The following ACAN variants were observed in gnomAD, a reference collection of about 807,000 sequenced individuals.
ACAN encodes the protein aggrecan core protein.
Under a neutral mutation model 169.1 loss-of-function variants are expected in ACAN, and 47 were observed. The ratio of observed to expected loss-of-function variants is 0.28; its 90% CI spans 0.22 to 0.35. ACAN has a LOEUF of 0.35. Ranked by LOEUF, ACAN falls within the 10% of genes least tolerant of loss-of-function variation. ACAN has a pLI of 1.00. For missense variants in ACAN, 2,716 were observed against 2,759.9 expected, an observed-to-expected ratio of 0.98 and a Z score of 0.36; for synonymous variants, 1,115 against 1,112.2, an observed-to-expected ratio of 1.00 and a Z score of -0.05.
At chr15:88,810,347 AT>A (rs1271195060) in intron 1 of ACAN, among the ~76,000 whole-genome samples, 1 of 151,550 alleles carries the variant, frequency 6.6e-6, no homozygotes, top group Non-Finnish European at 1.5e-5. Flanking sequence ...TCCAGGGCTA[AT>A]TTTGGGGGGA....
In ACAN at chr15:88,857,303, G is replaced by C; in HGVS notation, c.4718G>C (p.Arg1573Thr). The change falls in exon 12 of 19, where the codon AGG (arginine) becomes ACG (threonine). Residue 1573 changes from arginine to threonine, a missense_variant. Coordinates refer to ENST00000560601, the MANE Select transcript of ACAN (RefSeq NM_001369268.1). ...GTDLSGLPSG[R>T]EGLETSASGA... ...GACCTCAGTGGGCTTCCTTCTGGAA[G>C]GGAGGGTCTAGAGACTTCAGCTTCT... is the stretch of plus-strand genomic sequence containing the variant. The C allele has an allele frequency of 6.2e-7, 1 of 1,613,968 alleles. No homozygotes were observed. The highest frequency in any genetic ancestry group is 1.1e-5 in the South Asian group (1 of 91,078).
chr15:88,838,896 G>C lies in ACAN; in HGVS notation c.304G>C (p.Asp102His). The change falls in exon 3 of 19, where the codon GAC becomes CAC. Residue 102 changes from aspartate to histidine, a missense_variant. This residue lies in a region of ACAN where 1,283 missense variants were observed against 1,281.5 expected (regional missense o/e 1.00). Transcript: ENST00000560601. The surrounding 1 kb of genome is among the most constrained non-coding windows in gnomAD (Gnocchi z 5.1). ...CGTGCGGGTCAACAGTGCCTATCAG[G>C]ACAAGGTCTCACTGCCCAACTACCC... The part of the protein sequence containing the change: ...GRVRVNSAYQ[D>H]KVSLPNYPAI... The C allele has an allele frequency of 6.2e-7, 1 of 1,614,042 alleles. No individual in the cohort carries two copies. The highest frequency in any genetic ancestry group is 1.7e-5 in the Admixed American group (1 of 60,030).
chr15:88,873,746 T>G lies in ACAN; in HGVS notation c.7448-96T>G. 7.5e-7 allele frequency: 1 copy of G among 1,324,570 alleles called. No homozygotes were observed. The highest frequency in any genetic ancestry group is 1.0e-6 in the Non-Finnish European group (1 of 957,668). 82.1% of individuals were successfully genotyped at this position (1,324,570 alleles called of 1,614,324 possible). ...ACGTCCAGGGCTCACTGTCAGATGT[T>G]GAGGCTGTGTCCCCCACAGTGCCTC... On this transcript the variant is annotated intron_variant, in intron 17 of 18. Coordinates refer to ENST00000560601, the MANE Select transcript of ACAN (RefSeq NM_001369268.1). This position sits in a 1 kb window ranked among gnomAD's most constrained non-coding sequence, Gnocchi z 7.5.
chr15:88,838,605 G>T lies in ACAN; in HGVS notation c.71-58G>T. On this transcript the variant is annotated intron_variant, in intron 2 of 18. Transcript: ENST00000560601. The surrounding 1 kb of genome is among the most constrained non-coding windows in gnomAD (Gnocchi z 5.1). ...TTGCTGGAAGGATGGATGGGGAGGC[G>T]GGGTGGTCCTCTCTAGGCACTAACA... 7.2e-6 allele frequency: 11 copies of T among 1,520,924 alleles called. No individual in the cohort carries two copies. The South Asian group carries it at 1.3e-4, about 18-fold the overall frequency. 94.2% of individuals were successfully genotyped at this position (1,520,924 alleles called of 1,614,324 possible). A position where few individuals can be genotyped will look rare whatever the true frequency, so the allele number is the denominator to read the frequency against.
chr15:88,853,828 G>A (rs922669320), intron 11 of ACAN, among the ~76,000 whole-genome samples: 9 of 144,948 alleles, frequency 6.2e-5, no homozygotes, highest in African/African-American at 1.3e-4. Flanking sequence ...AATCTTTTTC[G>A]GGTCCTGCCC....
rs142201820 is a variant in ACAN, at chr15:88,825,765, C to T, written c.-7-10435C>T. Among the ~76,000 whole-genome samples the T allele has an allele frequency of 3.6e-3, 513 of 142,522 alleles. 3 individuals carry two copies. Among genetic ancestry groups the T allele is most frequent in the Non-Finnish European group, 6.1e-3 (374 of 61,368 alleles). The allele number at this position is 142,522 out of a possible 152,430, so 93.5% of individuals were successfully genotyped here. A position where few individuals can be genotyped will look rare whatever the true frequency, so the allele number is the denominator to read the frequency against. On this transcript the variant is annotated intron_variant, in intron 1 of 18. Transcript: ENST00000560601. ...TCTTTTCAAGTATTTCTGTACTACA[C>T]GTCCTAAACCCCAGCCTGCTCCTTC...
rs997060194 is a variant in ACAN, at chr15:88,869,219, C to T, written c.7060+890C>T. ...AGATGAGACCTTTGGATACTTGTCT[C>T]AGTGGCCCAGACAGAACTGGAAGTG... is the stretch of plus-strand genomic sequence containing the variant. On this transcript the variant is annotated intron_variant, in intron 14 of 18. Transcript: ENST00000560601. This position sits in a 1 kb window ranked among gnomAD's most constrained non-coding sequence, Gnocchi z 4.2. 6.6e-6 allele frequency among the ~76,000 whole-genome samples: 1 copy of T among 152,220 alleles called. No homozygotes were observed. Among genetic ancestry groups the T allele is most frequent in the Non-Finnish European group, 1.5e-5 (1 of 68,044 alleles).
Position 88,856,837 on chromosome 15 carries a change from G to A in ACAN, c.4252G>A (p.Val1418Ile). Residue 1418 changes from valine to isoleucine, a missense_variant, in exon 12 of 19, where the codon GTT (valine) becomes ATT (isoleucine). By Grantham distance (29) the Val-to-Ile change is conservative. Around this residue, in one of 3 missense-constraint regions of ACAN, gnomAD observed 44 missense variants for 114.7 expected, o/e 0.38. Coordinates refer to ENST00000560601, the MANE Select transcript of ACAN (RefSeq NM_001369268.1). ...EEISGLPSGE[V>I]LETTAPGVDE... ...GATCAGCGGGCTTCCTTCTGGAGAA[G>A]TTCTAGAGACTACTGCCCCTGGAGT... is the stretch of plus-strand genomic sequence containing the variant. 6.4e-7 allele frequency: 1 copy of A among 1,568,564 alleles called. No individual in the cohort carries two copies. Among genetic ancestry groups the A allele is most frequent in the Non-Finnish European group, 8.7e-7 (1 of 1,152,362 alleles).
chr15:88,821,972 C>G (rs1043953790), intron 1 of ACAN, among the ~76,000 whole-genome samples: 1 of 152,222 alleles, frequency 6.6e-6, no homozygotes, highest in Non-Finnish European at 1.5e-5. Flanking sequence ...TCCAGTTGTC[C>G]TCTTCTAGAG....
intron 1 of ACAN, among the ~76,000 whole-genome samples, chr15:88,834,491 G>C (rs1037095971): frequency 2.6e-5 from 4 of 152,228 alleles, no homozygotes; most frequent in Non-Finnish European, 5.9e-5. Context: ...AGCCGGCGGT[G>C]ACTGAGCCAA....
At chr15:88,853,220 G>A (rs1596142710) in intron 11 of ACAN, among the ~76,000 whole-genome samples, 1 of 152,324 alleles carries the variant, frequency 6.6e-6, no homozygotes, top group East Asian at 1.9e-4. Context: ...GGCTCCAGCA[G>A]CCCCGTAGAA....
chr15:88,831,137 A>C (rs1038732947), intron 1 of ACAN, among the ~76,000 whole-genome samples: 1 of 152,218 alleles, frequency 6.6e-6, no homozygotes, highest in Non-Finnish European at 1.5e-5. Flanking sequence ...GATGTCACCG[A>C]ACACAAAATT....
At chr15:88,864,413 A>G (rs8039163) in intron 13 of ACAN, among the ~76,000 whole-genome samples, 4,938 of 152,058 alleles carry the variant, frequency 0.032, 205 homozygotes, top group East Asian at 0.12. Flanking sequence ...GATTACAGGC[A>G]CACATCACCA....
chr15:88,832,148 A>G (rs1054278941), intron 1 of ACAN, among the ~76,000 whole-genome samples: 8 of 152,180 alleles, frequency 5.3e-5, no homozygotes, highest in Non-Finnish European at 1.2e-4. Context: ...CTGTATATAC[A>G]GGATTCATGC....
chr15:88,808,068 G>T (rs1217243349), intron 1 of ACAN, among the ~76,000 whole-genome samples: 1 of 152,130 alleles, frequency 6.6e-6, no homozygotes, highest in Non-Finnish European at 1.5e-5. Flanking sequence ...TTCTGTAATT[G>T]ATTTGACTGG....
chr15:88,863,588 A>AG (rs1300526036), intron 13 of ACAN, among the ~76,000 whole-genome samples: 1 of 152,242 alleles, frequency 6.6e-6, no homozygotes, highest in Non-Finnish European at 1.5e-5. Flanking sequence ...GGTGCTATGT[A>AG]GCCTTCTCTT....
In ACAN at chr15:88,849,350, G is replaced by A. The variant is rs183635806; in HGVS notation, c.1733-88G>A. ...GCTGGGTCTTAGCCCTGGTGAGGAG[G>A]GTTAGAGGAACTCTGTCCTGGGTGG... is the stretch of plus-strand genomic sequence containing the variant. On this transcript the variant is annotated intron_variant, in intron 9 of 18. Transcript: ENST00000560601. This position sits in a 1 kb window ranked among gnomAD's most constrained non-coding sequence, Gnocchi z 5.1. 3.6e-5 allele frequency: 48 copies of A among 1,322,620 alleles called. No homozygotes were observed. Among genetic ancestry groups the A allele is most frequent in the Non-Finnish European group, 4.6e-5 (46 of 990,876 alleles). 81.9% of individuals were successfully genotyped at this position (1,322,620 alleles called of 1,614,324 possible). A position where few individuals can be genotyped will look rare whatever the true frequency, so the allele number is the denominator to read the frequency against.
Position 88,840,089 on chromosome 15 carries a change from A to G in ACAN, c.532A>G (p.Asn178Asp). Reference sequence around the variant, plus strand: ...CAGGGCGCAGCGGGCCTGCCTGCAGAACAGTGCCATCATTGCCACGCCTGA... The same window carrying G: ...CAGGGCGCAGCGGGCCTGCCTGCAGGACAGTGCCATCATTGCCACGCCTGA... ...FDRAQRACLQNSAIIATPEQL... is the reference protein window; with the variant it reads ...FDRAQRACLQDSAIIATPEQL... Residue 178 changes from asparagine to aspartate, a missense_variant, in exon 4 of 19, where the codon AAC becomes GAC. Transcript: ENST00000560601. 6.2e-7 allele frequency: 1 copy of G among 1,605,024 alleles called. No homozygotes were observed. The highest frequency in any genetic ancestry group is 2.2e-5 in the East Asian group (1 of 44,596).
At chr15:88,832,233 T>C (rs1392198776) in intron 1 of ACAN, among the ~76,000 whole-genome samples, 1 of 151,894 alleles carries the variant, frequency 6.6e-6, no homozygotes, top group Non-Finnish European at 1.5e-5. Context: ...GTGTGGTCCA[T>C]TGTATTATGT....
Sources: gnomAD v4.1 joint callset for allele counts (sites outside exome capture counted in the v4.1 genomes callset) on GRCh38, gnomAD v4.1.1 for gene constraint, gnomAD v4.1.1 regional missense constraint, Gnocchi (gnomAD v3.1) non-coding constraint, MANE v1.5 for transcripts, NCBI Gene and HGNC (gene_info 2026-07-23, HGNC 2026-07-21) for gene names.